The following LIME1 variants were observed in gnomAD, a reference collection of about 807,000 sequenced individuals.
LIME1 encodes the protein Lck interacting transmembrane adaptor 1.
Under a neutral mutation model 18.8 loss-of-function variants are expected in LIME1, and 23 were observed. The ratio of observed to expected loss-of-function variants is 1.22; its 90% CI spans 0.88 to 1.73. LIME1 has a LOEUF of 1.73. Ranked by LOEUF, LIME1 falls within the 40% of genes most tolerant of loss-of-function variation. The pLI is 0.00. For missense variants in LIME1, 423 were observed against 396.8 expected (o/e 1.07, Z -0.56); for synonymous variants, 177 against 182.3 (o/e 0.97, Z 0.23).
Position 63,738,852 on chromosome 20 carries a change from C to A in LIME1, c.840C>A (p.Cys280Ter), listed in dbSNP as rs2145718909. The change falls in exon 6 of 6, where the codon TGC (cysteine) becomes TGA (stop). Residue 280 changes from cysteine (C) to a stop codon, truncating the protein, a stop_gained. Transcript: ENST00000309546. LOFTEE classifies it low-confidence loss of function (END_TRUNC). Reference sequence around the variant, plus strand: ...CTGGGACGCCCCCTGCTTCCAGCTGCCCCAGCCTAGGGAGGGGCTGGAGAC... The same window carrying A: ...CTGGGACGCCCCCTGCTTCCAGCTGACCCAGCCTAGGGAGGGGCTGGAGAC... Reference protein sequence around the residue: ...CGAGTPPASSCPSLGRGWRPL... With the variant: ...CGAGTPPASS 1 of 1,610,516 alleles carries A rather than the reference C, an allele frequency of 6.2e-7. No individual in the cohort carries two copies. The highest frequency in any genetic ancestry group is 8.5e-7 in the Non-Finnish European group (1 of 1,179,016).
upstream of LIME1, chr20:63,736,074 C>T (rs537024264): frequency 6.7e-6 from 7 of 1,045,270 alleles, no homozygotes; most frequent in Non-Finnish European, 9.6e-6. Context: ...TGGACACTTA[C>T]TTGCCCACCT....
At position 63,737,661 on chromosome 20, in the gene LIME1, C is replaced by T. The variant is rs1014209489; in HGVS notation, c.98+14C>T. 5 of 1,564,418 alleles carry T rather than the reference C, an allele frequency of 3.2e-6. No individual in the cohort carries two copies. Among genetic ancestry groups the T allele is most frequent in the Admixed American group, 1.9e-5 (1 of 52,928 alleles). ...AGCCTGCCGCAGGTAGGTCCCTCAG[C>T]CGCGTTCTGTCTGGGGCCTCGCTGC... is the stretch of plus-strand genomic sequence containing the variant. On this transcript the variant is annotated intron_variant, in intron 2 of 5. Transcript: ENST00000309546.
In LIME1 at chr20:63,738,215, C is replaced by T; in HGVS notation, c.301C>T (p.Pro101Ser). Residue 101 changes from proline (P) to serine (S), a missense_variant, in exon 5 of 6, where the codon CCA (proline) becomes TCA (serine). Coordinates refer to ENST00000309546, the MANE Select transcript of LIME1 (RefSeq NM_017806.4). The stretch of plus-strand genomic sequence containing the variant: ...GCCTGCCAGCATGGATCTCCTGCGC[C>T]CACACTGGCTGGAGGTGTCCAGGGA... Reference protein sequence around the residue: ...LRPASMDLLRPHWLEVSRDIT... With the variant: ...LRPASMDLLRSHWLEVSRDIT... 1.0e-5 allele frequency: 16 copies of T among 1,590,746 alleles called. 1 individual carries two copies. The highest frequency in any genetic ancestry group is 1.3e-5 in the African/African-American group (1 of 74,788).
Position 63,738,607 on chromosome 20 carries a change from C to A in LIME1, c.595C>A (p.Leu199Met). 6.4e-7 allele frequency: 1 copy of A among 1,560,374 alleles called. No homozygotes were observed. The highest frequency in any genetic ancestry group is 8.7e-7 in the Non-Finnish European group (1 of 1,153,900). The change falls in exon 6 of 6, where the codon CTG becomes ATG. Residue 199 changes from leucine to methionine, a missense_variant. Coordinates refer to ENST00000309546, the MANE Select transcript of LIME1 (RefSeq NM_017806.4). Reference sequence around the variant, plus strand: ...GGCTTCCTGTCTCCAGGTGGACGTCCTGTACTCCAGGGTCTGCAAGCCTAA... The same window carrying A: ...GGCTTCCTGTCTCCAGGTGGACGTCATGTACTCCAGGGTCTGCAAGCCTAA... ...EVTPAAQVDV[L>M]YSRVCKPKRR...
upstream of LIME1, chr20:63,736,280 C>T (rs937783648): frequency 2.4e-4 from 54 of 220,914 alleles, no homozygotes; most frequent in East Asian, 1.6e-3. Context: ...CAAGGCAGAT[C>T]GGAGGCCAGG....
chr20:63,737,092 C>G (rs1001490462), intron 1 of LIME1: 1 of 988,986 alleles, frequency 1.0e-6, no homozygotes, highest in Non-Finnish European at 1.2e-6. Flanking sequence ...CCAGCTCTTC[C>G]CAGTTCTGGG....
Position 63,739,032 on chromosome 20 carries a change from T to G in LIME1, c.*132T>G. On this transcript the variant is annotated 3_prime_UTR_variant, in exon 6 of 6. Transcript: ENST00000309546. ...GAGGTCCGTGAGGTCCTGGCCGCTC[T>G]GACAGCCGCGGCCTCCCCGGGCTCC... 1.3e-6 allele frequency: 1 copy of G among 797,850 alleles called. No individual in the cohort carries two copies. Among genetic ancestry groups the G allele is most frequent in the South Asian group, 2.2e-5 (1 of 44,716 alleles). The allele number at this position is 797,850 out of a possible 1,614,324, so 49.4% of individuals were successfully genotyped here.
intron 1 of LIME1, chr20:63,736,916 C>T (rs2091996138): frequency 4.1e-6 from 4 of 985,758 alleles, no homozygotes; most frequent in Non-Finnish European, 4.8e-6. Flanking sequence ...AGAAGTTCTG[C>T]TAAGATCCCC....
At chr20:63,736,863 T>A (rs2091995391) in intron 1 of LIME1, 151 bp downstream of exon 1, 1 of 986,838 alleles carries the variant, frequency 1.0e-6, no homozygotes, top group Non-Finnish European at 1.2e-6. Flanking sequence ...AGCTTCTGTC[T>A]CTGCTGCTGG....
In LIME1 at chr20:63,737,966, C is replaced by T. The variant is rs758247439; in HGVS notation, c.181-7C>T. ...GCAGGGCACCGACCAGCCTTCCTCG[C>T]CCCCAGTCCCTACTGAGGCGGACCC... On this transcript the variant is annotated splice_polypyrimidine_tract_variant and splice_region_variant and intron_variant, in intron 3 of 5. Coordinates refer to ENST00000309546, the MANE Select transcript of LIME1 (RefSeq NM_017806.4). The T allele has an allele frequency of 4.5e-6, 7 of 1,570,822 alleles. No individual in the cohort carries two copies. The South Asian group carries it at 4.6e-5, about 10-fold the overall frequency.
chr20:63,737,369 C>T, intron 1 of LIME1, 164 bp from the exon 2 acceptor site: 3 of 1,343,888 alleles, frequency 2.2e-6, no homozygotes, highest in South Asian at 3.9e-5. Flanking sequence ...AGGTGGGCAC[C>T]TCTGGGAGGG....
upstream of LIME1, chr20:63,735,970 C>G: frequency 6.3e-7 from 1 of 1,575,734 alleles, no homozygotes; most frequent in Non-Finnish European, 8.6e-7. Flanking sequence ...ACGGGCTGCC[C>G]TCAGGAAGAC....
upstream of LIME1, chr20:63,736,089 G>A: frequency 1.1e-6 from 1 of 910,922 alleles, no homozygotes; most frequent in Non-Finnish European, 1.6e-6. Context: ...CCACCTGCCA[G>A]TGTCTTGGGC....
Position 63,738,509 on chromosome 20 carries a change from G to A in LIME1, c.585+10G>A. 6.6e-7 allele frequency: 1 copy of A among 1,512,678 alleles called. No homozygotes were observed. Among genetic ancestry groups the A allele is most frequent in the Non-Finnish European group, 8.8e-7 (1 of 1,131,022 alleles). 93.7% of individuals were successfully genotyped at this position (1,512,678 alleles called of 1,614,324 possible). A position where few individuals can be genotyped will look rare whatever the true frequency, so the allele number is the denominator to read the frequency against. ...GACCCCGGCCGCTCAGGTAACGTGG[G>A]CCAGGGTAGGGCGCTGTGGGTGGGG... On this transcript the variant is annotated intron_variant, in intron 5 of 5. Coordinates refer to ENST00000309546, the MANE Select transcript of LIME1 (RefSeq NM_017806.4).
chr20:63,737,800 C>A, intron 2 of LIME1, 21 bp from the exon 3 acceptor site: 2 of 1,354,314 alleles, frequency 1.5e-6, no homozygotes, highest in East Asian at 2.7e-5. Context: ...CCGCCCCCCG[C>A]CCCCCACCTC....
At chr20:63,738,565 T>TCAGGTCCTCAGCAGGTTGGATG in intron 5 of LIME1, 33 bp from the exon 6 acceptor site, 1 of 1,531,714 alleles carries the variant, frequency 6.5e-7, no homozygotes, top group Non-Finnish European at 8.8e-7. Flanking sequence ...TGGATGGTGC[T>TCAGGTCCTCAGCAGGTTGGATG]GACCCCTCCT....
In LIME1 at chr20:63,736,967, CAAG is replaced by C. The variant is rs1386398484; in HGVS notation, c.-18+260_-18+262del. ...CCTCTCTGGCAGAGACACTGGCAGA[CAAG>C]AAGAGCCAGAGAGAAGTGGGGTGGG... On this transcript the variant is annotated intron_variant, in intron 1 of 5. Coordinates refer to ENST00000309546, the MANE Select transcript of LIME1 (RefSeq NM_017806.4). 2.2e-4 allele frequency: 219 copies of C among 985,526 alleles called. 1 individual carries two copies. Among genetic ancestry groups the C allele is most frequent in the Non-Finnish European group, 2.5e-4 (211 of 830,072 alleles). The allele number at this position is 985,526 out of a possible 1,614,324, so 61.0% of individuals were successfully genotyped here.
At position 63,738,012 on chromosome 20, in the gene LIME1, T is replaced by G. The variant is rs1187355793; in HGVS notation, c.220T>G (p.Ser74Ala). The G allele has an allele frequency of 6.4e-7, 1 of 1,568,870 alleles. No individual in the cohort carries two copies. Among genetic ancestry groups the G allele is most frequent in the Non-Finnish European group, 8.6e-7 (1 of 1,161,446 alleles). Residue 74 changes from serine (S) to alanine (A), a missense_variant, in exon 4 of 6, where the codon TCG (serine) becomes GCG (alanine). Ser to Ala is a moderately conservative substitution (Grantham distance 99). Transcript: ENST00000309546. ...RRTHLCSLSK[S>A]DTRLHELHRG... is the part of the protein sequence containing the mutation. The stretch of plus-strand genomic sequence containing the variant: ...GACCCACCTCTGCTCCCTCAGCAAG[T>G]CGGACACCAGACTGCACGAGCTGCA...
upstream of LIME1, chr20:63,735,913 G>A (rs772448031): frequency 6.2e-7 from 1 of 1,611,940 alleles, no homozygotes; most frequent in Non-Finnish European, 8.5e-7. Context: ...AGATGACTGA[G>A]TTCTAGAGAC....
Sources: gnomAD v4.1 joint callset for allele counts on GRCh38, gnomAD v4.1.1 for gene constraint, MANE v1.5 for transcripts, NCBI Gene and HGNC (gene_info 2026-07-23, HGNC 2026-07-21) for gene names.